Variants in PPEF1 observed in about 807,000 individuals in gnomAD.
PPEF1 encodes the protein serine/threonine-protein phosphatase with EF-hands 1.
PPEF1 carries 12 observed loss-of-function variants against 53.3 expected under a neutral mutation model. The ratio of observed to expected loss-of-function variants is 0.23; its 90% CI spans 0.14 to 0.36. The LOEUF is 0.36. Among genes scored for constraint, PPEF1 ranks in the 10% least tolerant of loss-of-function variants. The pLI, the probability that PPEF1 is intolerant of heterozygous loss-of-function variation, is 1.00. For missense variants in PPEF1, 334 were observed against 490.4 expected (o/e 0.68, Z 3.01); for synonymous variants, 165 against 176.7 (o/e 0.93, Z 0.52).
chrX:18,789,340 A>G (rs2046282955), intron 10 of PPEF1, 67 bp downstream of exon 10: 1 of 1,044,832 alleles, frequency 9.6e-7, no homozygotes, highest in Non-Finnish European at 1.3e-6. Context: ...CCCTTACAAT[A>G]TATAGATAAA....
chrX:18,678,914 T>C (rs1928776457), upstream of PPEF1, among the ~76,000 whole-genome samples: 1 of 110,941 alleles, frequency 9.0e-6, no homozygotes, highest in Non-Finnish European at 1.9e-5. Context: ...TCAATACCCT[T>C]GAGAACCTAG....
chrX:18,699,510 G>A (rs760382215), intron 5 of PPEF1, among the ~76,000 whole-genome samples: 5 of 112,013 alleles, frequency 4.5e-5, no homozygotes, highest in Admixed American at 1.9e-4. Flanking sequence ...GCGCGGCCGC[G>A]ATCAGTATAA....
chrX:18,707,772 A>T lies in PPEF1; in HGVS notation c.-9A>T. On this transcript the variant is annotated 5_prime_UTR_variant, in exon 1 of 16. Coordinates refer to ENST00000470157, the MANE Select transcript of PPEF1 (RefSeq NM_001377996.1). ...GAATTCATGAACACATATGATTTAGATAGAAGTCATGGGATGCAGCAGTTC... is the reference window on the plus strand; with the variant it reads ...GAATTCATGAACACATATGATTTAGTTAGAAGTCATGGGATGCAGCAGTTC... The T allele has an allele frequency of 8.3e-7, 1 of 1,206,020 alleles. No homozygotes were observed. The highest frequency in any genetic ancestry group is 1.1e-6 in the Non-Finnish European group (1 of 890,193).
chrX:18,798,942 A>G (rs1477236155), intron 10 of PPEF1, among the ~76,000 whole-genome samples: 1 of 111,143 alleles, frequency 9.0e-6, no homozygotes, highest in Non-Finnish European at 1.9e-5. Flanking sequence ...TAGCTTTTAA[A>G]ATGACATGGT....
chrX:18,769,307 A>T (rs1232147998), intron 6 of PPEF1, among the ~76,000 whole-genome samples: 3 of 111,942 alleles, frequency 2.7e-5, no homozygotes, highest in Non-Finnish European at 5.6e-5. Context: ...GTTAGGTCAT[A>T]TTTTTAGATT....
At chrX:18,799,131 G>A (rs1388926854) in intron 10 of PPEF1, among the ~76,000 whole-genome samples, 3 of 110,630 alleles carry the variant, frequency 2.7e-5, no homozygotes, top group African/African-American at 9.9e-5. Context: ...TGCTACTCGG[G>A]AGACTGAGGC....
At chrX:18,745,994 T>C (rs187764638) in intron 3 of PPEF1, among the ~76,000 whole-genome samples, 31 of 112,208 alleles carry the variant, frequency 2.8e-4, no homozygotes, top group Admixed American at 2.8e-3. Context: ...TATAAAAATT[T>C]ATGGGCTTTA....
intron 7 of PPEF1, among the ~76,000 whole-genome samples, chrX:18,781,031 G>C (rs1004886029): frequency 1.0e-5 from 1 of 97,707 alleles, no homozygotes; most frequent in Admixed American, 1.1e-4. Flanking sequence ...ACTCCAGCCT[G>C]GGCGACAGCG....
At chrX:18,761,815 A>G (rs60219284) in intron 6 of PPEF1, among the ~76,000 whole-genome samples, 7,054 of 109,082 alleles carry the variant, frequency 0.065, 579 homozygotes, top group African/African-American at 0.22. Flanking sequence ...CTGTGTATCC[A>G]TTAGGATTTG....
intron 3 of PPEF1, among the ~76,000 whole-genome samples, chrX:18,735,313 A>G (rs1387880566): frequency 3.6e-5 from 4 of 111,769 alleles, no homozygotes; most frequent in African/African-American, 1.3e-4. Flanking sequence ...TATAAGGTGT[A>G]AGGAAGGGAT....
chrX:18,703,516 A>G (rs1004780640), upstream of PPEF1, among the ~76,000 whole-genome samples: 4 of 112,174 alleles, frequency 3.6e-5, no homozygotes, highest in Non-Finnish European at 7.5e-5. Flanking sequence ...TAGCAACTAA[A>G]TTTTTAAAGA....
chrX:18,675,375 C>T (rs1035435787), upstream of PPEF1, among the ~76,000 whole-genome samples: 15 of 113,790 alleles, frequency 1.3e-4, no homozygotes, highest in Non-Finnish European at 2.6e-4. Flanking sequence ...GGCCACCCGG[C>T]CCACTTGCCG....
Position 18,777,754 on chromosome X carries a change from C to CT in PPEF1, c.559-1246dup, listed in dbSNP as rs72492026. 3.2e-4 allele frequency among the ~76,000 whole-genome samples: 31 copies of CT among 98,345 alleles called. 1 individual carries two copies. In the South Asian group the frequency reaches 0.011, roughly 33 times the overall value. 85.4% of individuals were successfully genotyped at this position (98,345 alleles called of 115,157 possible). On this transcript the variant is annotated intron_variant, in intron 6 of 15. Coordinates refer to ENST00000470157, the MANE Select transcript of PPEF1 (RefSeq NM_001377996.1). ...TGTTAGCCAGGATGGTCTTTTCTTT[C>CT]TTTTTTTTTTAGACATAGTCTTTCT... is the stretch of plus-strand genomic sequence containing the variant.
chrX:18,802,160 G>A (rs1360463286), intron 10 of PPEF1, among the ~76,000 whole-genome samples: 1 of 110,420 alleles, frequency 9.1e-6, no homozygotes, highest in Non-Finnish European at 1.9e-5. Flanking sequence ...CAACCTCCTG[G>A]GCTCAGGGAT....
chrX:18,820,882 T>TAATAA (rs1232429190), intron 13 of PPEF1, among the ~76,000 whole-genome samples: 1 of 111,013 alleles, frequency 9.0e-6, no homozygotes, highest in Non-Finnish European at 1.9e-5. Context: ...CATAAGATAG[T>TAATAA]AATAAAATCA....
intron 6 of PPEF1, among the ~76,000 whole-genome samples, chrX:18,701,792 T>A (rs1464889437): frequency 8.9e-6 from 1 of 112,472 alleles, no homozygotes. Flanking sequence ...AGTGGGACCT[T>A]TATTTTGGCC....
At chrX:18,693,021 A>G (rs905562878) in intron 4 of PPEF1, among the ~76,000 whole-genome samples, 1 of 111,986 alleles carries the variant, frequency 8.9e-6, no homozygotes, top group African/African-American at 3.2e-5. Context: ...TACTCATGCT[A>G]ACATTTAAAA....
At chrX:18,798,078 A>G in intron 10 of PPEF1, among the ~76,000 whole-genome samples, 1 of 105,036 alleles carries the variant, frequency 9.5e-6, no homozygotes. Context: ...CAAAATTGCA[A>G]TTTTTTTTTT....
chrX:18,726,894 T>C (rs2044721363), intron 1 of PPEF1, among the ~76,000 whole-genome samples: 1 of 111,965 alleles, frequency 8.9e-6, no homozygotes, highest in Middle Eastern at 4.6e-3. Context: ...ACTCCTGACC[T>C]CAAGTGTTCT....
Sources: allele counts gnomAD v4.1 joint callset (sites outside exome capture counted in the v4.1 genomes callset), GRCh38; gene constraint gnomAD v4.1.1; transcripts MANE v1.5; gene names NCBI Gene and HGNC (gene_info 2026-07-23, HGNC 2026-07-21).